Variants in USP2 observed in about 807,000 individuals in gnomAD.
USP2 encodes the protein ubiquitin carboxyl-terminal hydrolase 2.
In USP2, 33 loss-of-function variants were observed where a neutral mutation model predicts 72.0. The observed-to-expected ratio is 0.46, with a 90% confidence interval of 0.35 to 0.61. The LOEUF (loss-of-function observed/expected upper bound fraction) is 0.61, where lower values mean the gene tolerates loss of function less well. USP2 is among the 20% of genes least tolerant of loss of function. The pLI is 0.01. For synonymous variants in USP2, 296 were observed against 312.5 expected, an observed-to-expected ratio of 0.95 and a Z score of 0.56; for missense variants, 691 against 797.8, an observed-to-expected ratio of 0.87 and a Z score of 1.61.
chr11:119,357,008 G>T (rs1320036885), intron 12 of USP2, 86 bp from the exon 13 acceptor site: 7 of 1,487,272 alleles, frequency 4.7e-6, no homozygotes, highest in Non-Finnish European at 6.4e-6. Context: ...GAGGCCGGCC[G>T]GCCTGCCTTT....
chr11:119,366,109 G>A (rs1289703117), intron 2 of USP2, among the ~76,000 whole-genome samples: 1 of 152,010 alleles, frequency 6.6e-6, no homozygotes, highest in African/African-American at 2.4e-5. Context: ...TGGCCGAGCT[G>A]GTCATGAACT....
At chr11:119,357,948 A>G (rs1950696032) in intron 9 of USP2, 33 bp downstream of exon 9, 2 of 1,613,990 alleles carry the variant, frequency 1.2e-6, no homozygotes, top group African/African-American at 1.3e-5. Flanking sequence ...TCCCACGGAA[A>G]TTTGTTCTTG....
intron 2 of USP2, among the ~76,000 whole-genome samples, chr11:119,360,747 A>G (rs1230353613): frequency 6.6e-6 from 1 of 152,164 alleles, no homozygotes; most frequent in Non-Finnish European, 1.5e-5. Flanking sequence ...ATTTTCAACA[A>G]CCAACAAAAA....
chr11:119,380,093 T>G (rs1951044107), intron 1 of USP2, among the ~76,000 whole-genome samples: 1 of 151,870 alleles, frequency 6.6e-6, no homozygotes, highest in African/African-American at 2.4e-5. Flanking sequence ...TTTTTTGTAA[T>G]TTTAGTAGAG....
In USP2 at chr11:119,379,803, A is replaced by G. The variant is rs372821125; in HGVS notation, c.-42+1670T>C. Among the ~76,000 whole-genome samples the G allele has an allele frequency of 9.2e-5, 14 of 152,156 alleles. No individual in the cohort carries two copies. The East Asian group carries it at 1.2e-3, about 13-fold the overall frequency. On this transcript the variant is annotated intron_variant, in intron 1 of 12. Transcript: ENST00000260187. ...GAGTTCAATAAACATTGATGATTAT[A>G]TTGAATACTTCCACTTCTTATTATA...
chr11:119,357,696 G>A, intron 10 of USP2, 61 bp downstream of exon 10: 2 of 1,613,252 alleles, frequency 1.2e-6, no homozygotes, highest in Admixed American at 1.7e-5. Context: ...TCACCTATGG[G>A]CCCCTTGTCA....
Position 119,357,077 on chromosome 11 carries a change from G to A in USP2, c.1730+110C>T, listed in dbSNP as rs369207324. The A allele has an allele frequency of 2.2e-3, 2,636 of 1,202,260 alleles. 50 individuals are homozygous for A. In the African/African-American group the frequency reaches 0.039, roughly 18 times the overall value. 74.5% of individuals were successfully genotyped at this position (1,202,260 alleles called of 1,614,324 possible). A position where few individuals can be genotyped will look rare whatever the true frequency, so the allele number is the denominator to read the frequency against. On this transcript the variant is annotated intron_variant, in intron 12 of 12. Transcript: ENST00000260187. ...CCTTAAACTTTGCCATCCATTCTCGGTGTAAGCCGTGCGGGGGGTGGGAGG... is the reference window on the plus strand; with the variant it reads ...CCTTAAACTTTGCCATCCATTCTCGATGTAAGCCGTGCGGGGGGTGGGAGG...
chr11:119,367,530 A>G (rs2135400455), intron 2 of USP2, among the ~76,000 whole-genome samples: 2 of 152,314 alleles, frequency 1.3e-5, no homozygotes, highest in South Asian at 4.1e-4. Context: ...ATGAAAAGGT[A>G]GGGGCTCTGA....
chr11:119,362,326 A>G (rs777443183), intron 2 of USP2, among the ~76,000 whole-genome samples: 1 of 152,016 alleles, frequency 6.6e-6, no homozygotes, highest in Non-Finnish European at 1.5e-5. Flanking sequence ...CACGATTACT[A>G]TTCTTGAGGA....
intron 2 of USP2, chr11:119,364,294 C>G (rs530104679): frequency 1.6e-6 from 1 of 622,180 alleles, no homozygotes; most frequent in African/African-American, 2.0e-5. Context: ...CGCCTCTACC[C>G]CGCCCCCGGC....
intron 1 of USP2, 25 bp downstream of exon 1, chr11:119,381,448 C>T (rs1273303476): frequency 6.5e-7 from 1 of 1,535,690 alleles, no homozygotes. Flanking sequence ...TCCCCCCTCC[C>T]GGATCCCCGA....
At chr11:119,373,619 C>CCCAGT in intron 1 of USP2, 98 bp from the exon 2 acceptor site, 1 of 1,182,914 alleles carries the variant, frequency 8.5e-7, no homozygotes, top group Non-Finnish European at 1.1e-6. Context: ...CCTCAGAGCT[C>CCCAGT]CCAGTCCATT....
intron 2 of USP2, among the ~76,000 whole-genome samples, chr11:119,371,088 C>T (rs1171566717): frequency 6.6e-6 from 1 of 152,176 alleles, no homozygotes; most frequent in African/African-American, 2.4e-5. Context: ...GTGGAAAGAG[C>T]AGCTTCCCAG....
At chr11:119,368,452 C>T (rs1025968054) in intron 2 of USP2, among the ~76,000 whole-genome samples, 2 of 152,238 alleles carry the variant, frequency 1.3e-5, no homozygotes, top group Non-Finnish European at 2.9e-5. Flanking sequence ...GCAATTTGTT[C>T]TCTTTGGAGT....
intron 2 of USP2, among the ~76,000 whole-genome samples, chr11:119,371,002 G>A (rs1236268570): frequency 6.6e-6 from 1 of 152,150 alleles, no homozygotes. Flanking sequence ...CATGATTGGG[G>A]CTGAGGGTGG....
chr11:119,360,497 C>G, intron 2 of USP2: 1 of 511,644 alleles, frequency 2.0e-6, no homozygotes, highest in Non-Finnish European at 3.7e-6. Flanking sequence ...GATCTTAGCT[C>G]ACTGCAACCT....
At chr11:119,365,627 C>T (rs1362504095) in intron 2 of USP2, among the ~76,000 whole-genome samples, 1 of 152,196 alleles carries the variant, frequency 6.6e-6, no homozygotes, top group Non-Finnish European at 1.5e-5. Context: ...ACTCTTCTGT[C>T]CTGAAACAAC....
chr11:119,379,771 G>A (rs1170600584), intron 1 of USP2, among the ~76,000 whole-genome samples: 1 of 152,000 alleles, frequency 6.6e-6, no homozygotes, highest in Non-Finnish European at 1.5e-5. Flanking sequence ...AAATTTCATG[G>A]CCCATAGAGT....
chr11:119,378,110 G>T (rs1951023589), intron 1 of USP2, among the ~76,000 whole-genome samples: 1 of 152,114 alleles, frequency 6.6e-6, no homozygotes, highest in South Asian at 2.1e-4. Context: ...GGTGACCTCA[G>T]AGCTTCCTAA....
Sources: allele counts gnomAD v4.1 joint callset (sites outside exome capture counted in the v4.1 genomes callset), GRCh38; gene constraint gnomAD v4.1.1; transcripts MANE v1.5; gene names NCBI Gene and HGNC (gene_info 2026-07-23, HGNC 2026-07-21).